ZNF208: variants seen among roughly 807,000 people sequenced by gnomAD.
ZNF208 encodes zinc finger protein 208, also known as zinc finger protein 95.
A neutral mutation model predicts 12.1 loss-of-function variants in ZNF208; 10 were observed. That is an observed-to-expected ratio of 0.83 (90% CI 0.51 to 1.40). ZNF208 has a LOEUF of 1.40. Among genes scored for constraint, ZNF208 ranks in the 40% most tolerant of loss-of-function variants. The pLI, the probability that ZNF208 is intolerant of heterozygous loss-of-function variation, is 0.00. For missense variants in ZNF208, 1,652 were observed against 1,485.0 expected, an observed-to-expected ratio of 1.11 and a Z score of -1.85; for synonymous variants, 497 against 488.4, an observed-to-expected ratio of 1.02 and a Z score of -0.23.
chr19:21,963,493 C>T (rs116559848), downstream of ZNF208, among the ~76,000 whole-genome samples: 416 of 152,062 alleles, frequency 2.7e-3, 2 homozygotes, highest in African/African-American at 9.5e-3. Flanking sequence ...AGTATTCGCT[C>T]TGAGTCACAC....
rs183568201 is a variant in ZNF208 at position 21,982,153 on chromosome 19, C to T, written c.226+5063G>A. Among the ~76,000 whole-genome samples, 40 of 151,782 alleles carry T rather than the reference C, an allele frequency of 2.6e-4. No homozygotes were observed. In the East Asian group the frequency reaches 7.0e-3, roughly 27 times the overall value. ...CGGGTGGATCATGAGGTCAGGAGATCGAGATCATCCTGGCTAACACTGTGA... is the reference window on the plus strand; with the variant it reads ...CGGGTGGATCATGAGGTCAGGAGATTGAGATCATCCTGGCTAACACTGTGA... On this transcript the variant is annotated intron_variant, in intron 3 of 3. Coordinates refer to ENST00000397126, the MANE Select transcript of ZNF208 (RefSeq NM_007153.3).
chr19:21,971,060 A>T lies in ZNF208; in HGVS notation c.*131T>A, dbSNP rs988424997. 2 of 1,609,934 alleles carry T rather than the reference A, an allele frequency of 1.2e-6. No individual in the cohort carries two copies. Among genetic ancestry groups the T allele is most frequent in the Non-Finnish European group, 1.7e-6 (2 of 1,177,722 alleles). On this transcript the variant is annotated 3_prime_UTR_variant, in exon 4 of 4. Transcript: ENST00000397126. ...TCCAGTATGAATTCTCTTATGTTCC[A>T]TAAGGTTTGAGGACCAGTTGAAAGC...
chr19:21,951,858 G>T (rs1969894002), intron 4 of ZNF208, among the ~76,000 whole-genome samples: 2 of 152,214 alleles, frequency 1.3e-5, no homozygotes, highest in Non-Finnish European at 2.9e-5. Flanking sequence ...ACCTCACCTG[G>T]GAGGCACAAG....
intron 2 of ZNF208, 108 bp downstream of exon 2, chr19:21,988,675 C>T: frequency 6.3e-7 from 1 of 1,597,214 alleles, no homozygotes; most frequent in Non-Finnish European, 8.5e-7. Context: ...ACTCTTTTGT[C>T]TTTGTCTTTA....
At chr19:21,990,442 TATCTCTGA>T (rs1373606841) in intron 1 of ZNF208, among the ~76,000 whole-genome samples, 10 of 24,486 alleles carry the variant, frequency 4.1e-4, no homozygotes, top group African/African-American at 2.7e-3. Context: ...CATTGATCTA[TATCTCTGA>T]TATCTCTGTT....
In ZNF208 at chr19:21,970,805, T is replaced by A. The variant is rs1338566630; in HGVS notation, c.*386A>T. On this transcript the variant is annotated 3_prime_UTR_variant, in exon 4 of 4. Transcript: ENST00000397126. ...TCTCTCCAGCATGAATTTTCTTATGTTTACTAAAGACTGAGAACCAGCTGA... is the reference window on the plus strand; with the variant it reads ...TCTCTCCAGCATGAATTTTCTTATGATTACTAAAGACTGAGAACCAGCTGA... 5 of 1,457,194 alleles carry A rather than the reference T, an allele frequency of 3.4e-6. No individual in the cohort carries two copies. Among genetic ancestry groups the A allele is most frequent in the Non-Finnish European group, 3.8e-6 (4 of 1,042,210 alleles). The allele number at this position is 1,457,194 out of a possible 1,614,324, so 90.3% of individuals were successfully genotyped here.
intron 1 of ZNF208, among the ~76,000 whole-genome samples, chr19:21,997,183 C>A (rs1438910007): frequency 1.3e-5 from 2 of 152,194 alleles, no homozygotes; most frequent in Non-Finnish European, 2.9e-5. Context: ...AGTCAATTTG[C>A]TCAAGAGATT....
At chr19:21,952,765 C>T (rs1969911418) in intron 4 of ZNF208, among the ~76,000 whole-genome samples, 1 of 152,144 alleles carries the variant, frequency 6.6e-6, no homozygotes, top group Admixed American at 6.5e-5. Flanking sequence ...CTTTTCTCCT[C>T]CAAAGGATGA....
At chr19:21,963,849 A>G (rs1182786312), downstream of ZNF208, among the ~76,000 whole-genome samples, 4 of 152,010 alleles carry the variant, frequency 2.6e-5, no homozygotes, top group African/African-American at 9.7e-5. Context: ...CAGAATGGAT[A>G]TAAACTTTAT....
rs369950998 is a variant in ZNF208 at position 21,970,643 on chromosome 19, T to C, written c.*548A>G. The C allele has an allele frequency of 9.3e-5, 94 of 1,008,370 alleles. No individual in the cohort carries two copies. Among genetic ancestry groups the C allele is most frequent in the Middle Eastern group, 2.2e-4 (1 of 4,602 alleles). 62.5% of individuals were successfully genotyped at this position (1,008,370 alleles called of 1,614,324 possible). A position where few individuals can be genotyped will look rare whatever the true frequency, so the allele number is the denominator to read the frequency against. ...CCAGTATGAATTCTCTTATGTTCCATAAGGTTTGAGGACTGGTTGAAGCCT... is the reference window on the plus strand; with the variant it reads ...CCAGTATGAATTCTCTTATGTTCCACAAGGTTTGAGGACTGGTTGAAGCCT... On this transcript the variant is annotated 3_prime_UTR_variant, in exon 4 of 4. Coordinates refer to ENST00000397126, the MANE Select transcript of ZNF208 (RefSeq NM_007153.3).
At chr19:22,010,384 G>A (rs1450226729) in intron 1 of ZNF208, among the ~76,000 whole-genome samples, 1 of 152,072 alleles carries the variant, frequency 6.6e-6, no homozygotes, top group Non-Finnish European at 1.5e-5. Context: ...ATATTTTTGA[G>A]GTGACTTCCA....
chr19:21,990,889 T>C (rs185782598), intron 1 of ZNF208, among the ~76,000 whole-genome samples: 93 of 152,340 alleles, frequency 6.1e-4, no homozygotes, highest in African/African-American at 2.2e-3. Flanking sequence ...GAGTTCACTA[T>C]GATTTGGCTC....
chr19:21,953,362 G>A (rs1457314277), intron 4 of ZNF208, among the ~76,000 whole-genome samples: 2 of 151,736 alleles, frequency 1.3e-5, no homozygotes, highest in African/African-American at 2.4e-5. Flanking sequence ...ACACATAATT[G>A]TCAGACTTAC....
Position 21,970,640 on chromosome 19 carries a change from C to T in ZNF208, c.*551G>A. The T allele has an allele frequency of 1.0e-6, 1 of 978,362 alleles. No individual in the cohort carries two copies. The highest frequency in any genetic ancestry group is 1.6e-6 in the Non-Finnish European group (1 of 628,258). The allele number at this position is 978,362 out of a possible 1,614,324, so 60.6% of individuals were successfully genotyped here. On this transcript the variant is annotated 3_prime_UTR_variant, in exon 4 of 4. Transcript: ENST00000397126. ...TCACCAGTATGAATTCTCTTATGTT[C>T]CATAAGGTTTGAGGACTGGTTGAAG... is the stretch of plus-strand genomic sequence containing the variant.
intron 4 of ZNF208, among the ~76,000 whole-genome samples, chr19:21,959,827 G>C (rs894353940): frequency 3.9e-5 from 6 of 152,044 alleles, no homozygotes; most frequent in African/African-American, 1.2e-4. Context: ...GTCAGAAGAA[G>C]GTAACTTGAA....
At chr19:21,981,247 A>G (rs1235513240) in intron 3 of ZNF208, among the ~76,000 whole-genome samples, 1 of 152,210 alleles carries the variant, frequency 6.6e-6, no homozygotes, top group Non-Finnish European at 1.5e-5. Context: ...CCTGGCAGAG[A>G]CACAACAAAA....
chr19:21,967,655 A>C lies in ZNF208; in HGVS notation c.*3536T>G, dbSNP rs1402580798. The C allele has an allele frequency of 6.6e-6, 1 of 152,090 alleles. No individual in the cohort carries two copies. Among genetic ancestry groups the C allele is most frequent in the Non-Finnish European group, 1.5e-5 (1 of 68,014 alleles). The allele number at this position is 152,090 out of a possible 1,614,324, so 9.4% of individuals were successfully genotyped here. A position where few individuals can be genotyped will look rare whatever the true frequency, so the allele number is the denominator to read the frequency against. On this transcript the variant is annotated 3_prime_UTR_variant, in exon 4 of 4. Transcript: ENST00000397126. ...TCCATCTCAGCCTCCCAAAGGGCTG[A>C]GATGACAGGCATGAGCCACCATGCT...
chr19:21,954,793 G>A (rs1200736590), intron 4 of ZNF208, among the ~76,000 whole-genome samples: 1 of 152,102 alleles, frequency 6.6e-6, no homozygotes, highest in Non-Finnish European at 1.5e-5. Context: ...TATCCAATTT[G>A]CCAGTCTGTG....
chr19:21,994,453 A>G (rs775781228), intron 1 of ZNF208, among the ~76,000 whole-genome samples: 1 of 152,156 alleles, frequency 6.6e-6, no homozygotes, highest in Non-Finnish European at 1.5e-5. Context: ...AGACATAAAT[A>G]AGGCCTCCAA....
Sources: gnomAD v4.1 joint callset for allele counts (sites outside exome capture counted in the v4.1 genomes callset) on GRCh38, gnomAD v4.1.1 for gene constraint, MANE v1.5 for transcripts, NCBI Gene and HGNC (gene_info 2026-07-23, HGNC 2026-07-21) for gene names.